The following ITCH variants were observed in gnomAD, a reference collection of about 807,000 sequenced individuals.
The protein encoded by ITCH is itchy E3 ubiquitin protein ligase.
In ITCH, 28 loss-of-function variants were observed where a neutral mutation model predicts 126.8. The ratio of observed to expected loss-of-function variants is 0.22; its 90% confidence interval spans 0.16 to 0.30. The LOEUF (loss-of-function observed/expected upper bound fraction) is 0.30. ITCH is among the 10% of genes least tolerant of loss of function. The pLI is 1.00. For missense variants in ITCH, 631 were observed against 1,032.4 expected (o/e 0.61, Z 5.33); for synonymous variants, 342 against 340.0 (o/e 1.01, Z -0.06).
intron 12 of ITCH, among the ~76,000 whole-genome samples, chr20:34,454,219 C>G (rs977928277): frequency 4.0e-5 from 6 of 149,502 alleles, no homozygotes; most frequent in African/African-American, 1.5e-4. Context: ...CTCACTGCAA[C>G]CTCCGCCTCC....
At chr20:34,407,920 T>C (rs1978361755) in intron 3 of ITCH, among the ~76,000 whole-genome samples, 1 of 152,224 alleles carries the variant, frequency 6.6e-6, no homozygotes, top group African/African-American at 2.4e-5. Flanking sequence ...ATCTGACACA[T>C]GGTAGGCATT....
At chr20:34,469,134 A>C (rs983466749) in intron 14 of ITCH, among the ~76,000 whole-genome samples, 4 of 152,084 alleles carry the variant, frequency 2.6e-5, no homozygotes, top group Non-Finnish European at 4.4e-5. Flanking sequence ...TCATTCTTCA[A>C]AGTGACCTCA....
At chr20:34,497,187 G>C (rs935656065) in intron 23 of ITCH, among the ~76,000 whole-genome samples, 4 of 152,006 alleles carry the variant, frequency 2.6e-5, no homozygotes, top group Non-Finnish European at 2.9e-5. Context: ...AATAGAGATA[G>C]GGTTTCTCTA....
At chr20:34,495,447 C>T (rs1262819717) in intron 23 of ITCH, among the ~76,000 whole-genome samples, 1 of 151,978 alleles carries the variant, frequency 6.6e-6, no homozygotes, top group Non-Finnish European at 1.5e-5. Flanking sequence ...GCTCTCCCCT[C>T]ATTCCTGCCA....
chr20:34,374,346 A>T (rs1475874048), intron 2 of ITCH, among the ~76,000 whole-genome samples: 1 of 151,948 alleles, frequency 6.6e-6, no homozygotes, highest in Non-Finnish European at 1.5e-5. Context: ...TTGAATTTTG[A>T]CTCTACTGTG....
intron 2 of ITCH, among the ~76,000 whole-genome samples, chr20:34,391,591 A>G (rs1037940288): frequency 1.3e-5 from 2 of 152,160 alleles, no homozygotes; most frequent in Non-Finnish European, 2.9e-5. Flanking sequence ...CATTATTTCT[A>G]ATTTTTTTGA....
chr20:34,409,139 T>TTCC (rs1310531922), intron 4 of ITCH, among the ~76,000 whole-genome samples: 2 of 82,786 alleles, frequency 2.4e-5, no homozygotes, highest in African/African-American at 1.1e-4. Context: ...TTATGAGTAC[T>TTCC]CCCCCCCCCC....
chr20:34,402,531 C>A lies in ITCH; in HGVS notation c.71-6120C>A, dbSNP rs991890151. On this transcript the variant is annotated intron_variant, in intron 3 of 24. Transcript: ENST00000374864. ...TCAGCAGTCATAATCCCTCATAATC[C>A]TCTTGCTCTGCAGTATCAAAAAGTC... is the stretch of plus-strand genomic sequence containing the variant. 9.4e-6 allele frequency: 7 copies of A among 745,576 alleles called. No homozygotes were observed. In the African/African-American group the frequency reaches 1.2e-4, roughly 13 times the overall value. The allele number at this position is 745,576 out of a possible 1,614,324, so 46.2% of individuals were successfully genotyped here.
chr20:34,408,270 C>T (rs1056455210), intron 3 of ITCH, among the ~76,000 whole-genome samples: 2 of 152,144 alleles, frequency 1.3e-5, no homozygotes, highest in South Asian at 2.1e-4. Context: ...GATGAGGTCT[C>T]GCTATGTTTT....
At chr20:34,455,556 G>A (rs960359332) in intron 12 of ITCH, among the ~76,000 whole-genome samples, 7 of 150,978 alleles carry the variant, frequency 4.6e-5, no homozygotes, top group African/African-American at 1.2e-4. Flanking sequence ...TCTGCGTCCC[G>A]GGTTCAAGCA....
At chr20:34,387,618 T>G (rs937239899) in intron 2 of ITCH, among the ~76,000 whole-genome samples, 3 of 140,714 alleles carry the variant, frequency 2.1e-5, no homozygotes, top group African/African-American at 7.9e-5. Flanking sequence ...AGACCCTGTC[T>G]CAAAAAAAAA....
chr20:34,443,969 C>T (rs1447556851), intron 10 of ITCH, among the ~76,000 whole-genome samples: 3 of 152,090 alleles, frequency 2.0e-5, no homozygotes, highest in African/African-American at 7.2e-5. Flanking sequence ...GCAACAGAGC[C>T]AGCCCCTGTC....
Position 34,445,277 on chromosome 20 carries a change from T to TC in ITCH, c.966-9dup. On this transcript the variant is annotated splice_polypyrimidine_tract_variant and intron_variant, in intron 10 of 24. Transcript: ENST00000374864. ...ATTAGCTTGTTTTTTTTTTTTTTTT[T>TC]CTGATTTAGCTGGGAACGGCGGGTT... The TC allele has an allele frequency of 6.3e-7, 1 of 1,597,906 alleles. No individual in the cohort carries two copies. Among genetic ancestry groups the TC allele is most frequent in the Middle Eastern group, 1.7e-4 (1 of 5,952 alleles).
intron 1 of ITCH, among the ~76,000 whole-genome samples, chr20:34,363,663 G>A (rs1217942501): frequency 6.6e-6 from 1 of 152,084 alleles, no homozygotes; most frequent in East Asian, 1.9e-4. Context: ...GTACCGTCCG[G>A]CCCCTCGCCC....
At chr20:34,457,283 C>T in intron 12 of ITCH, 107 bp from the exon 13 acceptor site, 1 of 766,180 alleles carries the variant, frequency 1.3e-6, no homozygotes, top group Non-Finnish European at 2.3e-6. Context: ...ATAAAATAAA[C>T]AATGAAATGA....
chr20:34,429,822 TGTAAA>T (rs893164084), intron 7 of ITCH, among the ~76,000 whole-genome samples: 1 of 151,728 alleles, frequency 6.6e-6, no homozygotes, highest in Non-Finnish European at 1.5e-5. Context: ...TTAAATAGTG[TGTAAA>T]GTAAAATGTA....
chr20:34,407,420 C>G (rs1198734370), intron 3 of ITCH, among the ~76,000 whole-genome samples: 1 of 152,126 alleles, frequency 6.6e-6, no homozygotes, highest in African/African-American at 2.4e-5. Context: ...GCGCCTGCCA[C>G]CACACCTGGC....
chr20:34,363,510 G>C (rs924625955), intron 1 of ITCH, among the ~76,000 whole-genome samples, 161 bp downstream of exon 1: 3 of 152,168 alleles, frequency 2.0e-5, no homozygotes, highest in African/African-American at 4.8e-5. Flanking sequence ...CGGGGGCGCG[G>C]GGAGCTCGGG....
chr20:34,388,528 G>A (rs184293497), intron 2 of ITCH, among the ~76,000 whole-genome samples: 141 of 152,132 alleles, frequency 9.3e-4, no homozygotes, highest in African/African-American at 3.0e-3. Flanking sequence ...GGGACAACAG[G>A]CACATACCAC....
Sources: gnomAD v4.1 joint callset for allele counts (sites outside exome capture counted in the v4.1 genomes callset) on GRCh38, gnomAD v4.1.1 for gene constraint, MANE v1.5 for transcripts, NCBI Gene and HGNC (gene_info 2026-07-23, HGNC 2026-07-21) for gene names.